The following ALG3 variants were observed in gnomAD, a reference collection of about 807,000 sequenced individuals.
ALG3 encodes dol-P-Man:Man(5)GlcNAc(2)-PP-Dol alpha-1,3-mannosyltransferase.
In ALG3, 39 loss-of-function variants were observed where a neutral mutation model predicts 50.5. The observed-to-expected ratio is 0.77, with a 90% confidence interval of 0.60 to 1.01. The LOEUF (loss-of-function observed/expected upper bound fraction) is 1.01, where lower values mean the gene tolerates loss of function less well. ALG3 is among the 50% of genes least tolerant of loss of function. The probability of loss-of-function intolerance (pLI) is 0.00; values close to 1 mark genes in which losing one functional copy is unlikely to be tolerated. For synonymous variants in ALG3, 252 were observed against 237.2 expected, an observed-to-expected ratio of 1.06 and a Z score of -0.58; for missense variants, 520 against 554.8, an observed-to-expected ratio of 0.94 and a Z score of 0.63.
In ALG3 at chr3:184,248,589, G is replaced by GA. The variant is rs544522259; in HGVS notation, c.196+155dup. Among the ~76,000 whole-genome samples the GA allele has an allele frequency of 1.8e-4, 28 of 152,366 alleles. 1 individual carries two copies. The South Asian group carries it at 4.3e-3, about 24-fold the overall frequency. ...GCAGATTAAGATCCGGTTTTCTGTA[G>GA]AGCAGGCTTGGCGCTCAGGTAAGGG... On this transcript the variant is annotated intron_variant, in intron 1 of 8. Transcript: ENST00000397676.
chr3:184,249,127 G>A (rs1025672036), upstream of ALG3: 17 of 1,509,254 alleles, frequency 1.1e-5, no homozygotes, highest in Non-Finnish European at 1.4e-5. Flanking sequence ...ACGCTCCATA[G>A]GAGCAGGGAC....
At position 184,242,876 on chromosome 3, in the gene ALG3, T is replaced by C; in HGVS notation, c.1091A>G (p.Tyr364Cys). 3.7e-6 allele frequency: 6 copies of C among 1,613,844 alleles called. No individual in the cohort carries two copies. The highest frequency in any genetic ancestry group is 4.2e-6 in the Non-Finnish European group (5 of 1,179,886). The part of the protein sequence containing the change: ...RSLHYQFYVW[Y>C]FHTLPYLLWA... ...CAGGAGGTAGGGCAGTGTGTGGAAA[T>C]ACCAGACGTAGAACTGGTAGTGGAG... Residue 364 changes from tyrosine (Y) to cysteine (C), a missense_variant, in exon 8 of 9, where the codon TAT becomes TGT. Around this residue, in one of 3 missense-constraint regions of ALG3, gnomAD observed 224 missense variants for 272.8 expected, o/e 0.82. Transcript: ENST00000397676.
chr3:184,249,163 C>T, upstream of ALG3: 1 of 1,578,816 alleles, frequency 6.3e-7, no homozygotes, highest in Non-Finnish European at 8.6e-7. Context: ...AGTTTATACC[C>T]AGCCCTGGGT....
At position 184,242,586 on chromosome 3, in the gene ALG3, G is replaced by C; in HGVS notation, c.1245C>G (p.Val415=). 1 of 1,605,634 alleles carries C rather than the reference G, an allele frequency of 6.2e-7. No homozygotes were observed. The highest frequency in any genetic ancestry group is 1.1e-5 in the South Asian group (1 of 90,242). The change falls in exon 9 of 9, where the codon GTC becomes GTG. Residue 415 remains valine (V), a synonymous_variant. Coordinates refer to ENST00000397676, the MANE Select transcript of ALG3 (RefSeq NM_005787.6). ...SSAALHICHA[V]ILLQLWLGPQ... ...GGCCCAGCCAGAGCTGCAGCAGGAT[G>C]ACGGCATGGCATATGTGCAGGGCAG...
intron 7 of ALG3, chr3:184,243,219 A>G (rs1294337938): frequency 3.5e-6 from 2 of 577,806 alleles, no homozygotes; most frequent in African/African-American, 3.7e-5. Flanking sequence ...ACTTAACCTC[A>G]TGAAGTCTTA....
chr3:184,242,490 G>T lies in ALG3; in HGVS notation c.*24C>A. 6.2e-7 allele frequency: 1 copy of T among 1,610,216 alleles called. No individual in the cohort carries two copies. Among genetic ancestry groups the T allele is most frequent in the South Asian group, 1.1e-5 (1 of 90,196 alleles). Reference sequence around the variant, plus strand: ...ACCCCAGGTCCTGAGGGTAGACTCAGGTCCTGAGGGAAAGGGGTGGACTTC... The same window carrying T: ...ACCCCAGGTCCTGAGGGTAGACTCATGTCCTGAGGGAAAGGGGTGGACTTC... On this transcript the variant is annotated 3_prime_UTR_variant, in exon 9 of 9. Transcript: ENST00000397676.
At chr3:184,246,118 C>G (rs1719132883) in intron 1 of ALG3, among the ~76,000 whole-genome samples, 1 of 152,176 alleles carries the variant, frequency 6.6e-6, no homozygotes, top group South Asian at 2.1e-4. Context: ...ATACTCCCTC[C>G]TCTCTCATTT....
At chr3:184,244,817 C>T in intron 4 of ALG3, 96 bp from the exon 5 acceptor site, 2 of 1,454,950 alleles carry the variant, frequency 1.4e-6, no homozygotes, top group African/African-American at 1.4e-5. Flanking sequence ...ACAGCAACCT[C>T]CCCCCCGCCG....
intron 1 of ALG3, among the ~76,000 whole-genome samples, chr3:184,246,900 G>A (rs919085027): frequency 6.6e-6 from 1 of 151,580 alleles, no homozygotes; most frequent in East Asian, 1.9e-4. Context: ...GGCCAGGCTG[G>A]TTTGTTTGTT....
At chr3:184,243,262 G>A (rs1419713188) in intron 7 of ALG3, 3 of 568,038 alleles carry the variant, frequency 5.3e-6, no homozygotes, top group Admixed American at 3.3e-5. Context: ...AATAGTAAAT[G>A]TAAGTGTACC....
intron 1 of ALG3, among the ~76,000 whole-genome samples, chr3:184,246,279 C>T (rs758458093): frequency 6.6e-6 from 1 of 152,210 alleles, no homozygotes; most frequent in Non-Finnish European, 1.5e-5. Context: ...CTGACTTCTA[C>T]TTTCACCCTG....
Position 184,245,171 on chromosome 3 carries a change from G to A in ALG3, c.605+27C>T, listed in dbSNP as rs1480554341. On this transcript the variant is annotated intron_variant, in intron 4 of 8. Transcript: ENST00000397676. Reference sequence around the variant, plus strand: ...AGAGATGGAAATGCAGAAAACGAGAGGGGACCAGAAAGGAAGAGGTGTTGA... The same window carrying A: ...AGAGATGGAAATGCAGAAAACGAGAAGGGACCAGAAAGGAAGAGGTGTTGA... 4.3e-6 allele frequency: 7 copies of A among 1,613,328 alleles called. No homozygotes were observed. The East Asian group carries it at 6.7e-5, about 15-fold the overall frequency.
At chr3:184,248,968 C>G (rs1353560898), upstream of ALG3, 6 of 1,554,020 alleles carry the variant, frequency 3.9e-6, no homozygotes, top group Non-Finnish European at 5.2e-6. Context: ...TGTGTGGGCC[C>G]ACCACCCCCG....
chr3:184,249,161 C>A (rs1329857288), upstream of ALG3: 5 of 1,575,670 alleles, frequency 3.2e-6, no homozygotes, highest in East Asian at 4.6e-5. Context: ...TCAGTTTATA[C>A]CCAGCCCTGG....
In ALG3 at chr3:184,243,809, G is replaced by T. The variant is rs373514167; in HGVS notation, c.914C>A (p.Ala305Asp). The change falls in exon 6 of 9, where the codon GCC (alanine) becomes GAC (aspartate). Residue 305 changes from alanine (A) to aspartate (D), a missense_variant. By Grantham distance (126) the Ala-to-Asp change is moderately radical. Transcript: ENST00000397676. ...TTCTCACCTGTGCCACCTGCAGAGG[G>T]CAAACAGCAGGAGCAGGGTGAGGTG... is the stretch of plus-strand genomic sequence containing the variant. ...TAHLTLLLLF[A>D]LCRWHRTGES... is the part of the protein sequence containing the mutation. The T allele has an allele frequency of 1.2e-6, 2 of 1,613,582 alleles. No homozygotes were observed. Among genetic ancestry groups the T allele is most frequent in the African/African-American group, 2.7e-5 (2 of 74,930 alleles).
At chr3:184,246,998 C>T (rs941953753) in intron 1 of ALG3, among the ~76,000 whole-genome samples, 6 of 151,896 alleles carry the variant, frequency 4.0e-5, no homozygotes, top group Non-Finnish European at 5.9e-5. Context: ...ACCATCTCCC[C>T]GGTTCGAGCC....
chr3:184,248,895 G>T lies in ALG3; in HGVS notation c.46C>A (p.Gln16Lys). 6.2e-7 allele frequency: 1 copy of T among 1,601,942 alleles called. No homozygotes were observed. The highest frequency in any genetic ancestry group is 8.5e-7 in the Non-Finnish European group (1 of 1,174,910). ...CATTGCTTGCAGAGTCCCTCTGCCTGGGCCGCGGAACCGGACCGGCCGCGT... is the reference window on the plus strand; with the variant it reads ...CATTGCTTGCAGAGTCCCTCTGCCTTGGCCGCGGAACCGGACCGGCCGCGT... The part of the protein sequence containing the change: ...RKRGRSGSAA[Q>K]AEGLCKQWLQ... Residue 16 changes from glutamine (Q) to lysine (K), a missense_variant, in exon 1 of 9, where the codon CAG becomes AAG. Gln to Lys is a moderately conservative substitution (Grantham distance 53, BLOSUM62 1). Transcript: ENST00000397676.
At chr3:184,249,126 A>G, upstream of ALG3, 1 of 1,482,188 alleles carries the variant, frequency 6.7e-7, no homozygotes, top group Non-Finnish European at 9.3e-7. Context: ...CACGCTCCAT[A>G]GGAGCAGGGA....
At chr3:184,249,213 C>A, upstream of ALG3, 1 of 1,612,044 alleles carries the variant, frequency 6.2e-7, no homozygotes, top group Non-Finnish European at 8.5e-7. Context: ...AGAAAAGCAA[C>A]ATTCCTGCCT....
Sources: gnomAD v4.1 joint callset for allele counts (sites outside exome capture counted in the v4.1 genomes callset) on GRCh38, gnomAD v4.1.1 for gene constraint, gnomAD v4.1.1 regional missense constraint, MANE v1.5 for transcripts, NCBI Gene and HGNC (gene_info 2026-07-23, HGNC 2026-07-21) for gene names.